SYT1: variants seen among roughly 807,000 people sequenced by gnomAD.
The protein encoded by SYT1 is synaptotagmin-1.
In SYT1, 8 loss-of-function variants were observed where a neutral mutation model predicts 44.8. The observed-to-expected ratio is 0.18, with a 90% CI of 0.10 to 0.32. The LOEUF is 0.32. SYT1 is among the 10% of genes least tolerant of loss of function. SYT1 has a pLI of 1.00. For synonymous variants in SYT1, 154 were observed against 188.8 expected (o/e 0.82, Z 1.51); for missense variants, 286 against 509.3 (o/e 0.56, Z 4.22).
chr12:79,296,470 G>A (rs556856417), intron 7 of SYT1, among the ~76,000 whole-genome samples: 1 of 152,292 alleles, frequency 6.6e-6, no homozygotes, highest in African/African-American at 2.4e-5. Flanking sequence ...ACTAGAACAT[G>A]ACTAGGATGT....
At position 78,876,771 on chromosome 12, in the gene SYT1, AT is replaced by A. The variant is rs1245446488; in HGVS notation, c.-217+11665del. Among the ~76,000 whole-genome samples, 391 of 85,900 alleles carry A rather than the reference AT, an allele frequency of 4.6e-3. 3 individuals carry two copies. Among genetic ancestry groups the A allele is most frequent in the African/African-American group, 0.015 (241 of 16,128 alleles). 56.4% of individuals were successfully genotyped at this position (85,900 alleles called of 152,430 possible). A position where few individuals can be genotyped will look rare whatever the true frequency, so the allele number is the denominator to read the frequency against. On this transcript the variant is annotated intron_variant, in intron 1 of 10. Transcript: ENST00000261205. ...ATATTGTATATTATATATATTATAT[AT>A]TTATATATTATATAATACATATAAT...
intron 9 of SYT1, among the ~76,000 whole-genome samples, chr12:79,428,889 T>G (rs1869604612): frequency 6.6e-6 from 1 of 152,192 alleles, no homozygotes; most frequent in Admixed American, 6.5e-5. Flanking sequence ...CATCTGCTTC[T>G]GCTGAGGACC....
At chr12:79,060,261 A>C (rs922006000) in intron 3 of SYT1, among the ~76,000 whole-genome samples, 1 of 152,064 alleles carries the variant, frequency 6.6e-6, no homozygotes, top group South Asian at 2.1e-4. Flanking sequence ...TCCCTGTAAC[A>C]AAAAGCTTTT....
intron 2 of SYT1, among the ~76,000 whole-genome samples, chr12:79,002,690 C>T (rs1870820638): frequency 6.6e-6 from 1 of 151,958 alleles, no homozygotes; most frequent in Non-Finnish European, 1.5e-5. Context: ...AGTTTAGCAT[C>T]ACTAATGACT....
At chr12:79,252,614 C>G (rs983180167) in intron 4 of SYT1, among the ~76,000 whole-genome samples, 1 of 152,004 alleles carries the variant, frequency 6.6e-6, no homozygotes, top group Admixed American at 6.6e-5. Context: ...GAACAGAAAC[C>G]AGCAATTTTG....
At chr12:79,425,852 G>A (rs543151894) in intron 9 of SYT1, among the ~76,000 whole-genome samples, 53 of 152,130 alleles carry the variant, frequency 3.5e-4, no homozygotes, top group African/African-American at 1.2e-3. Flanking sequence ...ACTTATTGGC[G>A]TATGGCCTTT....
At chr12:79,039,865 A>C (rs1873415614) in intron 2 of SYT1, among the ~76,000 whole-genome samples, 1 of 141,076 alleles carries the variant, frequency 7.1e-6, no homozygotes, top group Non-Finnish European at 1.5e-5. Context: ...GAGTGAGAAT[A>C]TGCGGTGTTT....
At chr12:79,083,610 A>G (rs1877183665) in intron 3 of SYT1, among the ~76,000 whole-genome samples, 1 of 152,228 alleles carries the variant, frequency 6.6e-6, no homozygotes, top group Non-Finnish European at 1.5e-5. Flanking sequence ...TAAAGTTGTA[A>G]AACGTATATT....
At chr12:78,880,618 C>G (rs1440371640) in intron 1 of SYT1, among the ~76,000 whole-genome samples, 1 of 151,370 alleles carries the variant, frequency 6.6e-6, no homozygotes, top group Non-Finnish European at 1.5e-5. Context: ...AATTGTCTCT[C>G]CATTAATTAG....
intron 3 of SYT1, among the ~76,000 whole-genome samples, chr12:79,181,949 A>G (rs967033418): frequency 6.6e-6 from 1 of 151,940 alleles, no homozygotes; most frequent in Non-Finnish European, 1.5e-5. Context: ...CTGGAGCACT[A>G]TAAGTCATCT....
intron 3 of SYT1, among the ~76,000 whole-genome samples, chr12:79,103,693 TAAG>T (rs1432430221): frequency 1.3e-5 from 2 of 151,666 alleles, no homozygotes; most frequent in East Asian, 3.9e-4. Context: ...TTTAGGGAAA[TAAG>T]AATGATGTGA....
chr12:79,401,399 C>CAAA (rs74276040), intron 9 of SYT1, among the ~76,000 whole-genome samples: 20,462 of 150,494 alleles, frequency 0.14, 1,755 homozygotes, highest in Middle Eastern at 0.34. Context: ...GTGTCAATTA[C>CAAA]AAAAAAAAAG....
chr12:79,358,129 G>A (rs980269040), intron 9 of SYT1, among the ~76,000 whole-genome samples: 5 of 152,078 alleles, frequency 3.3e-5, no homozygotes, highest in South Asian at 2.1e-4. Flanking sequence ...AATTTGACAC[G>A]TCTGAGTACA....
intron 1 of SYT1, among the ~76,000 whole-genome samples, chr12:78,872,935 G>A (rs10745976): frequency 0.56 from 85,544 of 151,492 alleles, 25,310 homozygotes; most frequent in Non-Finnish European, 0.66. Context: ...TTTTTAAACC[G>A]TAACTTTTTG....
At chr12:78,970,997 T>A (rs115362299) in intron 1 of SYT1, among the ~76,000 whole-genome samples, 13,375 of 151,926 alleles carry the variant, frequency 0.088, 741 homozygotes, top group African/African-American at 0.15. Flanking sequence ...AAAATAAAAT[T>A]TAAAAAAATA....
chr12:79,094,958 G>C (rs1273478042), intron 3 of SYT1, among the ~76,000 whole-genome samples: 1 of 151,910 alleles, frequency 6.6e-6, no homozygotes, highest in African/African-American at 2.4e-5. Flanking sequence ...AGAAAGAAAA[G>C]CTTTGCTTGC....
chr12:78,987,924 A>G (rs1455465350), intron 2 of SYT1, among the ~76,000 whole-genome samples: 1 of 152,082 alleles, frequency 6.6e-6, no homozygotes, highest in Non-Finnish European at 1.5e-5. Context: ...ATAGAGGCAA[A>G]ACTCCTCAAC....
intron 9 of SYT1, among the ~76,000 whole-genome samples, chr12:79,368,512 C>T (rs1481320550): frequency 6.7e-6 from 1 of 149,978 alleles, no homozygotes; most frequent in Non-Finnish European, 1.5e-5. Context: ...ACAGTCCCAC[C>T]AACAGTGTAA....
At chr12:78,882,421 G>A (rs1167855193) in intron 1 of SYT1, among the ~76,000 whole-genome samples, 8 of 151,682 alleles carry the variant, frequency 5.3e-5, no homozygotes, top group Non-Finnish European at 1.2e-4. Flanking sequence ...ACTATCATTA[G>A]ACACTAAAAT....
Sources: gnomAD v4.1 joint callset for allele counts (sites outside exome capture counted in the v4.1 genomes callset) on GRCh38, gnomAD v4.1.1 for gene constraint, MANE v1.5 for transcripts, NCBI Gene and HGNC (gene_info 2026-07-23, HGNC 2026-07-21) for gene names.